The following SLC35F1 variants were observed in gnomAD, a reference collection of about 807,000 sequenced individuals.
The protein encoded by SLC35F1 is solute carrier family 35 member F1.
A neutral mutation model predicts 48.7 loss-of-function variants in SLC35F1; 14 were observed. The observed-to-expected ratio is 0.29, with a 90% CI of 0.19 to 0.45. The LOEUF (loss-of-function observed/expected upper bound fraction) is 0.45, where lower values mean the gene tolerates loss of function less well. Ranked by LOEUF, SLC35F1 falls within the 20% of genes least tolerant of loss-of-function variation. The probability of loss-of-function intolerance (pLI) is 1.00; values close to 1 mark genes in which losing one functional copy is unlikely to be tolerated. For missense variants in SLC35F1, 404 were observed against 500.0 expected (o/e 0.81, Z 1.83); for synonymous variants, 190 against 202.2 (o/e 0.94, Z 0.51).
At chr6:118,105,057 C>G (rs1366239907) in intron 1 of SLC35F1, among the ~76,000 whole-genome samples, 2 of 152,182 alleles carry the variant, frequency 1.3e-5, no homozygotes, top group African/African-American at 4.8e-5. Context: ...TTAGTCTTCT[C>G]AAAAAGTAGC....
chr6:118,104,790 TA>T (rs1341475418), intron 1 of SLC35F1, among the ~76,000 whole-genome samples: 4 of 152,172 alleles, frequency 2.6e-5, no homozygotes, highest in Non-Finnish European at 1.5e-5. Context: ...ACCTTGAGGC[TA>T]AATCTGCTTG....
intron 1 of SLC35F1, among the ~76,000 whole-genome samples, chr6:118,094,098 C>G (rs1277304203): frequency 1.3e-5 from 2 of 152,044 alleles, no homozygotes; most frequent in African/African-American, 4.8e-5. Flanking sequence ...TTTAAGGTGG[C>G]AGTTACAGCA....
At chr6:118,000,770 T>C (rs1416512922) in intron 1 of SLC35F1, among the ~76,000 whole-genome samples, 1 of 152,168 alleles carries the variant, frequency 6.6e-6, no homozygotes, top group African/African-American at 2.4e-5. Context: ...ACAAAATCAA[T>C]GTACAAAAAT....
chr6:118,141,507 C>T (rs1773888992), intron 1 of SLC35F1, among the ~76,000 whole-genome samples: 1 of 152,184 alleles, frequency 6.6e-6, no homozygotes, highest in Non-Finnish European at 1.5e-5. Flanking sequence ...CTATTTCTTA[C>T]AGTTCTAGTG....
chr6:118,312,350 A>C (rs934129025), intron 7 of SLC35F1, among the ~76,000 whole-genome samples: 3 of 152,214 alleles, frequency 2.0e-5, no homozygotes, highest in African/African-American at 7.2e-5. Context: ...TCAGGAAGCA[A>C]GTTTGAGTGT....
chr6:118,126,655 C>A (rs1372460666), intron 1 of SLC35F1, among the ~76,000 whole-genome samples: 2 of 151,168 alleles, frequency 1.3e-5, no homozygotes, highest in African/African-American at 2.4e-5. Context: ...CTTTTATTTC[C>A]TTGAGCAGTG....
chr6:118,004,392 T>C (rs1777146661), intron 1 of SLC35F1, among the ~76,000 whole-genome samples: 1 of 152,204 alleles, frequency 6.6e-6, no homozygotes, highest in African/African-American at 2.4e-5. Context: ...AGTGCTAAGT[T>C]AAATTGTGTA....
chr6:118,195,421 A>G (rs1034910528), intron 2 of SLC35F1, among the ~76,000 whole-genome samples: 4 of 152,112 alleles, frequency 2.6e-5, no homozygotes, highest in Non-Finnish European at 4.4e-5. Flanking sequence ...GTCAAAGGGA[A>G]CTCAGTTTTT....
chr6:117,941,368 T>C (rs1232165207), intron 1 of SLC35F1, among the ~76,000 whole-genome samples: 1 of 152,186 alleles, frequency 6.6e-6, no homozygotes, highest in Non-Finnish European at 1.5e-5. Flanking sequence ...TTGTGTACAT[T>C]CATGGTAAAG....
Position 118,314,160 on chromosome 6 carries a change from G to T in SLC35F1, c.1135G>T (p.Asp379Tyr), listed in dbSNP as rs199760029. The T allele has an allele frequency of 1.6e-5, 26 of 1,614,152 alleles. No individual in the cohort carries two copies. Among genetic ancestry groups the T allele is most frequent in the Non-Finnish European group, 1.4e-5 (16 of 1,180,026 alleles). ...QFRNPSGPVV[D>Y]LPTTAQVEPS... ...CCGCAATCCTTCAGGACCTGTTGTG[G>T]ACTTACCGACCACAGCTCAGGTGGA... Residue 379 changes from aspartate to tyrosine, a missense_variant, in exon 8 of 8, where the codon GAC becomes TAC. Asp to Tyr is a radical substitution (Grantham distance 160). Coordinates refer to ENST00000360388, the MANE Select transcript of SLC35F1 (RefSeq NM_001029858.4).
chr6:118,005,062 G>A (rs190964824), intron 1 of SLC35F1, among the ~76,000 whole-genome samples: 5 of 152,232 alleles, frequency 3.3e-5, no homozygotes, highest in South Asian at 4.2e-4. Context: ...AGTTAGACTC[G>A]TCATTCTGAG....
At chr6:117,917,276 G>A (rs1251829483) in intron 1 of SLC35F1, among the ~76,000 whole-genome samples, 1 of 152,154 alleles carries the variant, frequency 6.6e-6, no homozygotes, top group African/African-American at 2.4e-5. Context: ...CATAAGTGAG[G>A]AGGTCAGAGA....
chr6:118,058,116 A>G (rs1772488102), intron 1 of SLC35F1, among the ~76,000 whole-genome samples: 1 of 152,136 alleles, frequency 6.6e-6, no homozygotes, highest in Admixed American at 6.5e-5. Context: ...ATCTATTTTT[A>G]TGTATTTTTA....
chr6:118,026,937 C>A (rs1771961082), intron 1 of SLC35F1, among the ~76,000 whole-genome samples: 1 of 152,090 alleles, frequency 6.6e-6, no homozygotes, highest in Non-Finnish European at 1.5e-5. Context: ...GTACATTTGT[C>A]TCTCCAAAAA....
intron 1 of SLC35F1, among the ~76,000 whole-genome samples, chr6:118,089,310 A>G (rs1364477563): frequency 6.6e-6 from 1 of 152,146 alleles, no homozygotes; most frequent in African/African-American, 2.4e-5. Flanking sequence ...TATATTTTAT[A>G]CATACTTGGA....
chr6:118,111,905 G>C (rs918916268), intron 1 of SLC35F1, among the ~76,000 whole-genome samples: 2 of 152,134 alleles, frequency 1.3e-5, no homozygotes, highest in Admixed American at 6.5e-5. Context: ...AGGAATATGA[G>C]GCTGGGACTT....
In SLC35F1 at chr6:118,035,626, A is replaced by C. The variant is rs1212129623; in HGVS notation, c.174-118819A>C. Among the ~76,000 whole-genome samples the C allele has an allele frequency of 8.5e-5, 6 of 70,726 alleles. No individual in the cohort carries two copies. In the East Asian group the frequency reaches 3.5e-3, roughly 42 times the overall value. 46.4% of individuals were successfully genotyped at this position (70,726 alleles called of 152,430 possible). A position where few individuals can be genotyped will look rare whatever the true frequency, so the allele number is the denominator to read the frequency against. On this transcript the variant is annotated intron_variant, in intron 1 of 7. Transcript: ENST00000360388. ...TGAAACTCCGTCTCACAAAAAAAAA[A>C]CAACAACAACAAAACAAAACAAAAC...
intron 1 of SLC35F1, among the ~76,000 whole-genome samples, chr6:118,153,690 G>A (rs1017978518): frequency 7.9e-5 from 12 of 152,110 alleles, no homozygotes; most frequent in Admixed American, 3.3e-4. Context: ...GGTCTATAGG[G>A]GCAGCGCCTA....
At chr6:118,101,740 T>C (rs1773260560) in intron 1 of SLC35F1, among the ~76,000 whole-genome samples, 1 of 152,152 alleles carries the variant, frequency 6.6e-6, no homozygotes, top group Non-Finnish European at 1.5e-5. Flanking sequence ...AGGGGTGGGC[T>C]CGAAGGGAAG....
Sources: gnomAD v4.1 joint callset for allele counts (sites outside exome capture counted in the v4.1 genomes callset) on GRCh38, gnomAD v4.1.1 for gene constraint, MANE v1.5 for transcripts, NCBI Gene and HGNC (gene_info 2026-07-23, HGNC 2026-07-21) for gene names.